NTN1: variants seen among roughly 807,000 people sequenced by gnomAD.
NTN1 encodes netrin 1.
Under a neutral mutation model 54.2 loss-of-function variants are expected in NTN1, and 11 were observed. The ratio of observed to expected loss-of-function variants is 0.20; its 90% CI spans 0.13 to 0.34. The LOEUF (loss-of-function observed/expected upper bound fraction) is 0.34. Ranked by LOEUF, NTN1 falls within the 10% of genes least tolerant of loss-of-function variation. The pLI is 1.00. For missense variants in NTN1, 740 were observed against 893.1 expected (o/e 0.83, Z 2.18); for synonymous variants, 371 against 382.0 (o/e 0.97, Z 0.33).
intron 2 of NTN1, among the ~76,000 whole-genome samples, chr17:9,154,914 C>T (rs1008196009): frequency 2.6e-5 from 4 of 152,166 alleles, no homozygotes; most frequent in African/African-American, 4.8e-5. Flanking sequence ...GGCTCTCTGT[C>T]CACACAGTGG....
intron 5 of NTN1, among the ~76,000 whole-genome samples, chr17:9,198,852 C>T (rs740642): frequency 0.35 from 52,679 of 152,008 alleles, 10,765 homozygotes; most frequent in Non-Finnish European, 0.46. Flanking sequence ...TCCAAAACAG[C>T]TCTGACAGAC....
intron 2 of NTN1, among the ~76,000 whole-genome samples, chr17:9,121,921 A>C (rs1043973922): frequency 4.6e-5 from 7 of 152,002 alleles, no homozygotes; most frequent in African/African-American, 1.7e-4. Flanking sequence ...AATACCCTCC[A>C]ATCTGCCAGT....
intron 2 of NTN1, among the ~76,000 whole-genome samples, chr17:9,139,935 A>T (rs753935151): frequency 2.6e-5 from 4 of 151,948 alleles, no homozygotes; most frequent in Non-Finnish European, 5.9e-5. Context: ...TCATCCATCC[A>T]TCCATCTGTC....
chr17:9,129,299 C>G (rs1363059897), intron 2 of NTN1, among the ~76,000 whole-genome samples: 3 of 151,952 alleles, frequency 2.0e-5, no homozygotes, highest in Non-Finnish European at 4.4e-5. Context: ...TTAAAAGGTA[C>G]TTTACCTGGA....
At chr17:9,003,512 G>T in the NTN1 span, among the ~76,000 whole-genome samples, 1 of 149,716 alleles carries the variant, frequency 6.7e-6, no homozygotes, top group Non-Finnish European at 1.5e-5. This position sits in a 1 kb window ranked among gnomAD's most constrained non-coding sequence, Gnocchi z 7.4. Flanking sequence ...GCCCGCCCGG[G>T]TCCTTTGTAG....
intron 2 of NTN1, among the ~76,000 whole-genome samples, chr17:9,071,418 T>A (rs989474897): frequency 5.3e-5 from 8 of 152,208 alleles, no homozygotes; most frequent in African/African-American, 1.2e-4. Context: ...AATTAGACTC[T>A]GTAATCCCTC....
chr17:9,005,867 C>G, the NTN1 span, among the ~76,000 whole-genome samples: 6 of 152,298 alleles, frequency 3.9e-5, 1 homozygote, highest in African/African-American at 1.4e-4. Context: ...AACCCAGGGG[C>G]CTTCTCTTAC....
intron 2 of NTN1, among the ~76,000 whole-genome samples, chr17:9,103,305 G>A (rs1218763038): frequency 6.6e-6 from 1 of 152,154 alleles, no homozygotes; most frequent in Non-Finnish European, 1.5e-5. Context: ...ACTAAATGTG[G>A]TTTATACATG....
At position 9,163,013 on chromosome 17, in the gene NTN1, G is replaced by T. The variant is rs1271231977; in HGVS notation, c.1207+12G>T. 1 of 1,588,616 alleles carries T rather than the reference G, an allele frequency of 6.3e-7. No homozygotes were observed. The highest frequency in any genetic ancestry group is 2.3e-5 in the East Asian group (1 of 43,736). ...GAAGGCCTGCAAAGGTGGGCTACAC[G>T]TGGCGGGGCGGGGGGCTGGGGAGAC... is the stretch of plus-strand genomic sequence containing the variant. On this transcript the variant is annotated intron_variant, in intron 3 of 6. Coordinates refer to ENST00000173229, the MANE Select transcript of NTN1 (RefSeq NM_004822.3).
intron 2 of NTN1, among the ~76,000 whole-genome samples, chr17:9,097,173 C>T (rs1201458218): frequency 6.6e-6 from 1 of 152,148 alleles, no homozygotes; most frequent in African/African-American, 2.4e-5. Flanking sequence ...ACGTGGAAAA[C>T]ATTTCAAATA....
chr17:9,060,523 C>T (rs2091993730), intron 2 of NTN1, among the ~76,000 whole-genome samples: 1 of 152,216 alleles, frequency 6.6e-6, no homozygotes, highest in South Asian at 2.1e-4. Flanking sequence ...CAGAGGTCAA[C>T]TGTGAATTTT....
At position 9,219,516 on chromosome 17, in the gene NTN1, A is replaced by G. The variant is rs2142354467; in HGVS notation, c.1412-1652A>G. Among the ~76,000 whole-genome samples the G allele has an allele frequency of 6.6e-6, 1 of 152,236 alleles. No homozygotes were observed. The highest frequency in any genetic ancestry group is 2.1e-4 in the South Asian group (1 of 4,826). ...CTGGCACAGGAAGCGGTGGGAGGCTACCACACCCATGGCCCCCAAGGTAGT... is the reference window on the plus strand; with the variant it reads ...CTGGCACAGGAAGCGGTGGGAGGCTGCCACACCCATGGCCCCCAAGGTAGT... On this transcript the variant is annotated intron_variant, in intron 5 of 6. Transcript: ENST00000173229. The surrounding 1 kb of genome is among the most constrained non-coding windows in gnomAD (Gnocchi z 4.5).
chr17:9,166,882 G>T (rs1377427691), intron 3 of NTN1, among the ~76,000 whole-genome samples: 1 of 152,198 alleles, frequency 6.6e-6, no homozygotes, highest in Non-Finnish European at 1.5e-5. Flanking sequence ...GCTGACTCTG[G>T]ACCTTGTCCA....
chr17:9,039,050 A>G (rs1287660976), intron 2 of NTN1, among the ~76,000 whole-genome samples: 4 of 152,192 alleles, frequency 2.6e-5, no homozygotes, highest in Non-Finnish European at 5.9e-5. Flanking sequence ...ATATTTATTA[A>G]ATGCTTAAGT....
At chr17:9,033,951 A>C (rs1367497450) in intron 2 of NTN1, among the ~76,000 whole-genome samples, 1 of 152,070 alleles carries the variant, frequency 6.6e-6, no homozygotes, top group African/African-American at 2.4e-5. Flanking sequence ...GAAAAGAAAG[A>C]AAGTACTTAG....
chr17:9,146,606 CCTGGGGGTCTTT>C lies in NTN1; in HGVS notation c.1019-16206_1019-16195del, dbSNP rs1567721809. 8.0e-3 allele frequency among the ~76,000 whole-genome samples: 1,068 copies of C among 133,306 alleles called. 16 individuals carry two copies. Among genetic ancestry groups the C allele is most frequent in the African/African-American group, 0.038 (1,022 of 27,046 alleles). 87.5% of individuals were successfully genotyped at this position (133,306 alleles called of 152,430 possible). A position where few individuals can be genotyped will look rare whatever the true frequency, so the allele number is the denominator to read the frequency against. On this transcript the variant is annotated intron_variant, in intron 2 of 6. Transcript: ENST00000173229. ...GGGACCTGTGGGTCTTTAGACACAC[CCTGGGGGTCTTT>C]AGACACACCCTGGGGCTCCTGGCAG...
intron 5 of NTN1, among the ~76,000 whole-genome samples, chr17:9,215,270 C>T (rs1441654083): frequency 6.8e-6 from 1 of 147,650 alleles, no homozygotes; most frequent in Non-Finnish European, 1.5e-5. Context: ...CACACACACA[C>T]ACACACACAC....
At chr17:9,093,163 G>A (rs955353016) in intron 2 of NTN1, among the ~76,000 whole-genome samples, 3 of 152,180 alleles carry the variant, frequency 2.0e-5, no homozygotes, top group Admixed American at 1.3e-4. Context: ...AAAGTGTTGC[G>A]ATTACAGGCG....
chr17:9,175,364 T>G (rs2092397288), intron 3 of NTN1: 1 of 152,208 alleles, frequency 6.6e-6, no homozygotes. Flanking sequence ...TGGGTGCTGG[T>G]GCAGGCAGGG....
Sources: allele counts gnomAD v4.1 joint callset (sites outside exome capture counted in the v4.1 genomes callset), GRCh38; gene constraint gnomAD v4.1.1; non-coding constraint Gnocchi (gnomAD v3.1); transcripts MANE v1.5; gene names NCBI Gene and HGNC (gene_info 2026-07-23, HGNC 2026-07-21).